Variants in SLC44A5 observed in about 807,000 individuals in gnomAD.
SLC44A5 encodes the protein choline transporter-like protein 5.
In SLC44A5, 57 loss-of-function variants were observed where a neutral mutation model predicts 101.8. The ratio of observed to expected loss-of-function variants is 0.56; its 90% CI spans 0.45 to 0.70. The LOEUF (loss-of-function observed/expected upper bound fraction) is 0.70. Among genes scored for constraint, SLC44A5 ranks in the 30% least tolerant of loss-of-function variants. The pLI is 0.00. For synonymous variants in SLC44A5, 281 were observed against 290.9 expected (o/e 0.97, Z 0.35); for missense variants, 737 against 853.1 (o/e 0.86, Z 1.70).
the SLC44A5 span, among the ~76,000 whole-genome samples, chr1:75,721,459 T>A: frequency 6.6e-6 from 1 of 152,236 alleles, no homozygotes; most frequent in Non-Finnish European, 1.5e-5. Context: ...GTGTATTTTA[T>A]GTATAGCCCA....
chr1:75,264,583 T>G (rs1650832889), intron 6 of SLC44A5, among the ~76,000 whole-genome samples: 1 of 152,142 alleles, frequency 6.6e-6, no homozygotes, highest in Non-Finnish European at 1.5e-5. Context: ...AATTTAAAAT[T>G]TTTTTCAAAC....
At chr1:75,305,155 T>A (rs1654806571) in intron 4 of SLC44A5, among the ~76,000 whole-genome samples, 1 of 152,222 alleles carries the variant, frequency 6.6e-6, no homozygotes, top group South Asian at 2.1e-4. Flanking sequence ...ATGCCTATAA[T>A]CACCCAGACT....
intron 3 of SLC44A5, among the ~76,000 whole-genome samples, chr1:75,363,002 G>T (rs898660916): frequency 3.9e-5 from 6 of 151,962 alleles, no homozygotes; most frequent in African/African-American, 1.4e-4. Flanking sequence ...TAGGTTGGGT[G>T]CATATATATT....
At chr1:75,583,263 G>A (rs1369492121) in intron 1 of SLC44A5, among the ~76,000 whole-genome samples, 1 of 152,170 alleles carries the variant, frequency 6.6e-6, no homozygotes, top group Non-Finnish European at 1.5e-5. Context: ...CAAAAAAGGA[G>A]CTAATTTATA....
chr1:75,243,512 G>C (rs545233588), intron 7 of SLC44A5, among the ~76,000 whole-genome samples: 1 of 152,024 alleles, frequency 6.6e-6, no homozygotes, highest in East Asian at 1.9e-4. Flanking sequence ...TTTGCTCTTT[G>C]ATATTGATGT....
At position 75,271,757 on chromosome 1, in the gene SLC44A5, A is replaced by G. The variant is rs367882397; in HGVS notation, c.260+3201T>C. 3.3e-5 allele frequency among the ~76,000 whole-genome samples: 5 copies of G among 152,114 alleles called. No homozygotes were observed. The East Asian group carries it at 5.8e-4, about 18-fold the overall frequency. The stretch of plus-strand genomic sequence containing the variant: ...TTGGTTCCATATCCTTGCAATTGTG[A>G]ACTGTGCTGCTGTAAACATGTGTGT... On this transcript the variant is annotated intron_variant, in intron 6 of 23. Transcript: ENST00000370859.
At chr1:75,404,411 T>C (rs1245791603) in intron 2 of SLC44A5, among the ~76,000 whole-genome samples, 1 of 151,892 alleles carries the variant, frequency 6.6e-6, no homozygotes, top group African/African-American at 2.4e-5. Flanking sequence ...TTCAACAAGG[T>C]TAAAATGAAG....
At chr1:75,631,492 T>C in the SLC44A5 span, among the ~76,000 whole-genome samples, 291 of 150,428 alleles carry the variant, frequency 1.9e-3, 2 homozygotes, top group Non-Finnish European at 3.2e-3. Flanking sequence ...CTCACTTCTG[T>C]CTCCCAAGTA....
chr1:75,278,527 C>G (rs1208555957), intron 5 of SLC44A5, among the ~76,000 whole-genome samples: 1 of 152,066 alleles, frequency 6.6e-6, no homozygotes, highest in Non-Finnish European at 1.5e-5. Flanking sequence ...GATAATATAT[C>G]TCAGCCAAAC....
At chr1:75,588,027 G>A (rs1674118450) in intron 1 of SLC44A5, among the ~76,000 whole-genome samples, 1 of 152,174 alleles carries the variant, frequency 6.6e-6, no homozygotes, top group Non-Finnish European at 1.5e-5. Context: ...CTGGTCATTT[G>A]TGGGTATACA....
At chr1:75,701,687 C>T in the SLC44A5 span, among the ~76,000 whole-genome samples, 1 of 152,036 alleles carries the variant, frequency 6.6e-6, no homozygotes, top group African/African-American at 2.4e-5. Context: ...AAATAAAGGG[C>T]ATTCAATTAG....
At chr1:75,695,128 C>T in the SLC44A5 span, among the ~76,000 whole-genome samples, 1 of 152,098 alleles carries the variant, frequency 6.6e-6, no homozygotes, top group South Asian at 2.1e-4. Context: ...ATTTATGTCA[C>T]CAAATTTAAT....
chr1:75,372,113 C>T (rs768294333), intron 3 of SLC44A5, among the ~76,000 whole-genome samples: 1 of 147,794 alleles, frequency 6.8e-6, no homozygotes, highest in Non-Finnish European at 1.5e-5. Flanking sequence ...AGGAGAATTG[C>T]TTGAACCTGG....
At chr1:75,495,649 T>A (rs11163500) in intron 2 of SLC44A5, among the ~76,000 whole-genome samples, 21,516 of 143,634 alleles carry the variant, frequency 0.15, 1,714 homozygotes, top group African/African-American at 0.2. Flanking sequence ...AGAAGAAAGG[T>A]TCAGCAAACT....
At chr1:75,701,714 A>G in the SLC44A5 span, among the ~76,000 whole-genome samples, 1 of 152,216 alleles carries the variant, frequency 6.6e-6, no homozygotes, top group Non-Finnish European at 1.5e-5. Context: ...AGGAAGTCAA[A>G]TTGTTCCTGT....
At chr1:75,348,159 T>C (rs1220593086) in intron 3 of SLC44A5, among the ~76,000 whole-genome samples, 1 of 151,960 alleles carries the variant, frequency 6.6e-6, no homozygotes, top group African/African-American at 2.4e-5. Flanking sequence ...CCTCTCTCTC[T>C]CTTTCTCTCT....
rs1308694850 is a variant in SLC44A5 at position 75,203,662 on chromosome 1, T to C, written c.*65A>G. The C allele has an allele frequency of 6.7e-7, 1 of 1,491,350 alleles. No individual in the cohort carries two copies. The highest frequency in any genetic ancestry group is 2.5e-5 in the East Asian group (1 of 39,804). The allele number at this position is 1,491,350 out of a possible 1,614,324, so 92.4% of individuals were successfully genotyped here. ...AAACACAAAGCACTTATGAAACAAA[T>C]GTTGCACAGACACAGCAGATGGAGA... On this transcript the variant is annotated 3_prime_UTR_variant, in exon 24 of 24. Coordinates refer to ENST00000370859, the MANE Select transcript of SLC44A5 (RefSeq NM_001130058.2).
the SLC44A5 span, among the ~76,000 whole-genome samples, chr1:75,635,245 G>C: frequency 4.6e-5 from 7 of 151,618 alleles, no homozygotes; most frequent in South Asian, 1.1e-3. Context: ...GTGGAAGTCA[G>C]TGTGGCGATT....
At chr1:75,516,479 T>G (rs570668464) in intron 2 of SLC44A5, among the ~76,000 whole-genome samples, 1 of 152,052 alleles carries the variant, frequency 6.6e-6, no homozygotes, top group Non-Finnish European at 1.5e-5. Flanking sequence ...ATCGCACCAC[T>G]GCACTCCAGC....
Sources: allele counts gnomAD v4.1 joint callset (sites outside exome capture counted in the v4.1 genomes callset), GRCh38; gene constraint gnomAD v4.1.1; transcripts MANE v1.5; gene names NCBI Gene and HGNC (gene_info 2026-07-23, HGNC 2026-07-21).